The following EML4 variants were observed in gnomAD, a reference collection of about 807,000 sequenced individuals.
The protein encoded by EML4 is echinoderm microtubule-associated protein-like 4.
EML4 carries 72 observed loss-of-function variants against 129.0 expected under a neutral mutation model. The observed-to-expected ratio is 0.56, with a 90% CI of 0.46 to 0.68. The LOEUF is 0.68. Among genes scored for constraint, EML4 ranks in the 30% least tolerant of loss-of-function variants. EML4 has a pLI of 0.00. For synonymous variants in EML4, 532 were observed against 405.0 expected (o/e 1.31, Z -3.77); for missense variants, 1,363 against 1,190.6 (o/e 1.14, Z -2.13).
At position 42,332,033 on chromosome 2, in the gene EML4, CAGTA is replaced by C. The variant is rs1670129345; in HGVS notation, c.*1831_*1834del. Reference sequence around the variant, plus strand: ...TCTGTACATACTTATCGGAGCGCGCCAGTAAGTATCAGGCATATATATCTGTCTG... The same window carrying C: ...TCTGTACATACTTATCGGAGCGCGCCAGTATCAGGCATATATATCTGTCTG... On this transcript the variant is annotated 3_prime_UTR_variant, in exon 23 of 23. Coordinates refer to ENST00000318522, the MANE Select transcript of EML4 (RefSeq NM_019063.5). The C allele has an allele frequency of 4.5e-6, 1 of 222,518 alleles. No individual in the cohort carries two copies. Among genetic ancestry groups the C allele is most frequent in the Non-Finnish European group, 9.0e-6 (1 of 111,106 alleles). 13.8% of individuals were successfully genotyped at this position (222,518 alleles called of 1,614,324 possible). A position where few individuals can be genotyped will look rare whatever the true frequency, so the allele number is the denominator to read the frequency against.
chr2:42,248,481 C>T (rs1675556023), intron 2 of EML4, among the ~76,000 whole-genome samples: 1 of 152,168 alleles, frequency 6.6e-6, no homozygotes, highest in Non-Finnish European at 1.5e-5. Context: ...GCTATAATTA[C>T]TATTCCCCAG....
intron 19 of EML4, among the ~76,000 whole-genome samples, chr2:42,317,767 C>G (rs1212935669): frequency 6.6e-6 from 1 of 152,162 alleles, no homozygotes; most frequent in African/African-American, 2.4e-5. Flanking sequence ...AAAACAGTTT[C>G]TTAAAGCTAT....
intron 1 of EML4, among the ~76,000 whole-genome samples, chr2:42,171,438 T>C (rs915677105): frequency 6.6e-6 from 1 of 152,236 alleles, no homozygotes; most frequent in Admixed American, 6.5e-5. Flanking sequence ...TTCTCACCAG[T>C]TGGGGCACTT....
chr2:42,224,184 T>C (rs1291729430), intron 1 of EML4, among the ~76,000 whole-genome samples: 1 of 152,160 alleles, frequency 6.6e-6, no homozygotes, highest in Admixed American at 6.5e-5. Context: ...GAAGAAATCC[T>C]GTATCCTTTA....
At chr2:42,298,087 T>G (rs552595864) in intron 13 of EML4, among the ~76,000 whole-genome samples, 1 of 152,168 alleles carries the variant, frequency 6.6e-6, no homozygotes, top group Admixed American at 6.5e-5. Flanking sequence ...AAGTTGAGAG[T>G]ATCTACAGAA....
At chr2:42,281,750 T>A (rs1667024002) in intron 7 of EML4, among the ~76,000 whole-genome samples, 2 of 152,344 alleles carry the variant, frequency 1.3e-5, no homozygotes, top group African/African-American at 2.4e-5. Context: ...GACTTTTTTT[T>A]AAATGACTGT....
Position 42,202,668 on chromosome 2 carries a change from A to G in EML4, c.25+33032A>G, listed in dbSNP as rs1427782408. Among the ~76,000 whole-genome samples the G allele has an allele frequency of 2.6e-5, 4 of 152,222 alleles. No individual in the cohort carries two copies. The East Asian group carries it at 5.8e-4, about 22-fold the overall frequency. On this transcript the variant is annotated intron_variant, in intron 1 of 22. Coordinates refer to ENST00000318522, the MANE Select transcript of EML4 (RefSeq NM_019063.5). ...AAGACTACATCAGTCTAGTCTTTCC[A>G]TGTTCTTTTGTCTGCTTTTATTCTG...
At chr2:42,283,914 C>G (rs1667149927) in intron 8 of EML4, among the ~76,000 whole-genome samples, 1 of 152,078 alleles carries the variant, frequency 6.6e-6, no homozygotes, top group African/African-American at 2.4e-5. Context: ...TTCTTAAGTA[C>G]AAATATTTAA....
intron 1 of EML4, among the ~76,000 whole-genome samples, chr2:42,198,419 G>GAGGGGCTGGGTGTGGTGGC (rs1163772553): frequency 2.6e-5 from 4 of 151,992 alleles, no homozygotes; most frequent in Non-Finnish European, 5.9e-5. Flanking sequence ...AATGAGTTGG[G>GAGGGGCTGGGTGTGGTGGC]AGGGGCTGGG....
chr2:42,262,495 C>T (rs1232797485), intron 4 of EML4, among the ~76,000 whole-genome samples: 1 of 152,032 alleles, frequency 6.6e-6, no homozygotes, highest in Non-Finnish European at 1.5e-5. Context: ...TTCTTGAGGT[C>T]TCCTGGAAAT....
At chr2:42,244,212 C>A (rs1401846043) in intron 1 of EML4, among the ~76,000 whole-genome samples, 1 of 151,292 alleles carries the variant, frequency 6.6e-6, no homozygotes, top group Non-Finnish European at 1.5e-5. Context: ...AATTCTCCTG[C>A]CTCAGCCTCC....
chr2:42,220,218 G>A (rs1307439213), intron 1 of EML4, among the ~76,000 whole-genome samples: 1 of 145,098 alleles, frequency 6.9e-6, no homozygotes, highest in East Asian at 2.0e-4. Context: ...TCATACTCTT[G>A]CACTTTGCAG....
Position 42,329,862 on chromosome 2 carries a change from G to A in EML4, c.2601G>A (p.Lys867=). ...MSIIQWKLVE[K]LSLPQNETVA... The stretch of plus-strand genomic sequence containing the variant: ...TCATTCAGTGGAAACTTGTGGAAAA[G>A]TTATCTTTGCCTCAGAATGAGACTG... Residue 867 remains lysine (K), a synonymous_variant, in exon 23 of 23, where the codon AAG becomes AAA. Coordinates refer to ENST00000318522, the MANE Select transcript of EML4 (RefSeq NM_019063.5). The A allele has an allele frequency of 6.2e-7, 1 of 1,614,122 alleles. No homozygotes were observed. Among genetic ancestry groups the A allele is most frequent in the Non-Finnish European group, 8.5e-7 (1 of 1,180,032 alleles).
At position 42,195,716 on chromosome 2, in the gene EML4, T is replaced by C. The variant is rs532095474; in HGVS notation, c.25+26080T>C. On this transcript the variant is annotated intron_variant, in intron 1 of 22. Coordinates refer to ENST00000318522, the MANE Select transcript of EML4 (RefSeq NM_019063.5). ...TGTGCCAGCTTTTGGTTAATCATTA[T>C]CTTGTTGATTATATTTGGTTCAAGA... is the stretch of plus-strand genomic sequence containing the variant. Among the ~76,000 whole-genome samples the C allele has an allele frequency of 2.0e-5, 3 of 152,332 alleles. No homozygotes were observed. The South Asian group carries it at 6.2e-4, about 32-fold the overall frequency.
intron 2 of EML4, among the ~76,000 whole-genome samples, chr2:42,248,172 C>G (rs1255575583): frequency 6.6e-6 from 1 of 151,922 alleles, no homozygotes; most frequent in Admixed American, 6.6e-5. Flanking sequence ...GGCGGAATCT[C>G]TCTATGTTGC....
chr2:42,239,812 A>C (rs192540792), intron 1 of EML4, among the ~76,000 whole-genome samples: 21 of 152,322 alleles, frequency 1.4e-4, no homozygotes, highest in Non-Finnish European at 1.8e-4. Context: ...CTACTTGATC[A>C]AGAAAAGGGA....
intron 1 of EML4, among the ~76,000 whole-genome samples, chr2:42,221,942 C>G (rs953468866): frequency 6.6e-6 from 1 of 151,928 alleles, no homozygotes; most frequent in African/African-American, 2.4e-5. Context: ...CATCATGTTG[C>G]CCAGGGTGGT....
chr2:42,256,683 G>C (rs1558546282), intron 3 of EML4, 53 bp downstream of exon 3: 2 of 1,594,616 alleles, frequency 1.3e-6, no homozygotes, highest in Non-Finnish European at 1.7e-6. Flanking sequence ...GTCTGAATGT[G>C]GTAGAGATCT....
At chr2:42,230,984 C>T (rs1043639567) in intron 1 of EML4, among the ~76,000 whole-genome samples, 4 of 152,204 alleles carry the variant, frequency 2.6e-5, no homozygotes, top group African/African-American at 9.6e-5. Flanking sequence ...ATTACTCTTA[C>T]ATTTAAATAA....
Sources: gnomAD v4.1 joint callset for allele counts (sites outside exome capture counted in the v4.1 genomes callset) on GRCh38, gnomAD v4.1.1 for gene constraint, MANE v1.5 for transcripts, NCBI Gene and HGNC (gene_info 2026-07-23, HGNC 2026-07-21) for gene names.